FER1L6: variants seen among roughly 807,000 people sequenced by gnomAD.
FER1L6 encodes the protein fer-1-like protein 6.
Under a neutral mutation model 219.2 loss-of-function variants are expected in FER1L6, and 177 were observed. The observed-to-expected ratio is 0.81, with a 90% CI of 0.71 to 0.91. The LOEUF (loss-of-function observed/expected upper bound fraction) is 0.91, where lower values mean the gene tolerates loss of function less well. Among genes scored for constraint, FER1L6 ranks in the 40% least tolerant of loss-of-function variants. FER1L6 has a pLI of 0.00. For synonymous variants in FER1L6, 768 were observed against 824.3 expected (o/e 0.93, Z 1.17); for missense variants, 2,153 against 2,259.9 (o/e 0.95, Z 0.96).
chr8:124,031,685 T>TG (rs1424736216), intron 18 of FER1L6, among the ~76,000 whole-genome samples: 1 of 152,130 alleles, frequency 6.6e-6, no homozygotes, highest in Non-Finnish European at 1.5e-5. Context: ...ATGGCTAACC[T>TG]GGGGGTGAAT....
intron 34 of FER1L6, 60 bp from the exon 35 acceptor site, chr8:124,094,836 G>T: frequency 6.4e-7 from 1 of 1,567,952 alleles, no homozygotes. Context: ...GCATGTGGCA[G>T]CCCATCACTG....
At chr8:123,939,275 T>C (rs1490538911) in intron 1 of FER1L6, 1 of 848,052 alleles carries the variant, frequency 1.2e-6, no homozygotes, top group Non-Finnish European at 1.4e-6. Flanking sequence ...ATAAATTTTA[T>C]TACATATTGT....
chr8:123,890,994 A>G (rs959865373), intron 1 of FER1L6, among the ~76,000 whole-genome samples: 3 of 150,036 alleles, frequency 2.0e-5, no homozygotes, highest in African/African-American at 7.4e-5. Context: ...ATGTTCAGGA[A>G]AGATTCACCT....
Position 124,118,934 on chromosome 8 carries a change from G to GC in FER1L6, c.5382dup (p.Lys1795GlnfsTer17). Reference sequence around the variant, plus strand: ...AGCCCGAAAGGAGCCAGAGCCCCTGGCCAAGCCCAAGTGAGTGGAGTTGCT... The same window carrying GC: ...AGCCCGAAAGGAGCCAGAGCCCCTGGCCCAAGCCCAAGTGAGTGGAGTTGCT... On this transcript the variant is annotated frameshift_variant, in exon 40 of 41. Coordinates refer to ENST00000522917, the MANE Select transcript of FER1L6 (RefSeq NM_001039112.2). LOFTEE classifies it high-confidence loss of function. The GC allele has an allele frequency of 6.2e-7, 1 of 1,613,002 alleles. No homozygotes were observed. The highest frequency in any genetic ancestry group is 1.7e-4 in the Middle Eastern group (1 of 6,046).
At chr8:123,858,455 C>T (rs945169541) in intron 1 of FER1L6, among the ~76,000 whole-genome samples, 1 of 152,152 alleles carries the variant, frequency 6.6e-6, no homozygotes, top group Non-Finnish European at 1.5e-5. Flanking sequence ...CTTAAAGTGC[C>T]AGATGCTTAT....
chr8:123,877,003 C>T (rs1817015074), intron 1 of FER1L6, among the ~76,000 whole-genome samples: 1 of 152,264 alleles, frequency 6.6e-6, no homozygotes, highest in African/African-American at 2.4e-5. Flanking sequence ...TCTCTGCATC[C>T]TGCACTCAGA....
chr8:124,061,852 G>T lies in FER1L6; in HGVS notation c.3148G>T (p.Glu1050Ter). The T allele has an allele frequency of 6.2e-7, 1 of 1,613,188 alleles. No homozygotes were observed. Among genetic ancestry groups the T allele is most frequent in the Admixed American group, 1.7e-5 (1 of 60,014 alleles). The stretch of plus-strand genomic sequence containing the variant: ...TCTTCATCTCATCCTCTCTCTGCAG[G>T]AACTGCCTGAGAACGAGCTTCTGCA... ...FSIQADAFEV[E>*]LPENELLHPP... Residue 1050 changes from glutamate (E) to a stop codon, truncating the protein, a stop_gained and splice_region_variant, in exon 25 of 41, where the codon GAA (glutamate) becomes TAA (stop). Coordinates refer to ENST00000522917, the MANE Select transcript of FER1L6 (RefSeq NM_001039112.2). LOFTEE classifies it high-confidence loss of function.
rs117193397 is a variant in FER1L6, at chr8:124,090,178, C to T, written c.4392-1245C>T. On this transcript the variant is annotated intron_variant, in intron 33 of 40. Transcript: ENST00000522917. Reference sequence around the variant, plus strand: ...AATTTACACCGTAACAGACTCTGAGCGCCTATATCCTTCATGGAATGATTT... The same window carrying T: ...AATTTACACCGTAACAGACTCTGAGTGCCTATATCCTTCATGGAATGATTT... Among the ~76,000 whole-genome samples, 131 of 152,264 alleles carry T rather than the reference C, an allele frequency of 8.6e-4. No homozygotes were observed. The East Asian group carries it at 0.024, about 28-fold the overall frequency.
At chr8:123,960,500 G>T (rs1815222161) in intron 2 of FER1L6, among the ~76,000 whole-genome samples, 1 of 152,140 alleles carries the variant, frequency 6.6e-6, no homozygotes, top group Admixed American at 6.5e-5. Flanking sequence ...GGCTTCCCAG[G>T]AAACCTATCC....
intron 25 of FER1L6, among the ~76,000 whole-genome samples, chr8:124,063,658 T>C (rs2130839334): frequency 6.6e-6 from 1 of 152,346 alleles, no homozygotes; most frequent in East Asian, 1.9e-4. Context: ...ATGCCCAGTA[T>C]GGAGTAGATA....
intron 1 of FER1L6, among the ~76,000 whole-genome samples, chr8:123,918,338 A>G (rs1034593434): frequency 6.6e-6 from 1 of 151,922 alleles, no homozygotes; most frequent in African/African-American, 2.4e-5. Context: ...CAACAAATAC[A>G]TACTCGCACT....
intron 1 of FER1L6, among the ~76,000 whole-genome samples, chr8:123,909,052 C>T (rs1288838723): frequency 1.3e-5 from 2 of 152,182 alleles, no homozygotes; most frequent in African/African-American, 4.8e-5. Flanking sequence ...CTCAGTTTGA[C>T]TGTTAACATG....
chr8:123,868,976 T>C (rs1295640513), intron 1 of FER1L6, among the ~76,000 whole-genome samples: 1 of 152,126 alleles, frequency 6.6e-6, no homozygotes, highest in African/African-American at 2.4e-5. Context: ...ATCAGGTTAG[T>C]CTGAGTTATG....
At chr8:123,965,739 C>A (rs1815506858) in intron 3 of FER1L6, among the ~76,000 whole-genome samples, 2 of 152,108 alleles carry the variant, frequency 1.3e-5, no homozygotes, top group Admixed American at 6.5e-5. Context: ...GACATTTATT[C>A]TTGCCAGGTA....
At chr8:124,039,802 A>T (rs914519153) in intron 19 of FER1L6, 80 bp from the exon 20 acceptor site, 17 of 1,568,220 alleles carry the variant, frequency 1.1e-5, no homozygotes, top group Non-Finnish European at 1.5e-5. Flanking sequence ...ATAGATGGAC[A>T]TCACACACAG....
chr8:124,101,024 A>G, intron 37 of FER1L6, 73 bp from the exon 38 acceptor site: 1 of 1,403,118 alleles, frequency 7.1e-7, no homozygotes, highest in South Asian at 1.2e-5. Flanking sequence ...GAAATAAGCT[A>G]AATCACTTAT....
Position 124,119,606 on chromosome 8 carries a change from G to A in FER1L6, c.5391-1G>A. On this transcript the variant is annotated splice_acceptor_variant, in intron 40 of 40. Coordinates refer to ENST00000522917, the MANE Select transcript of FER1L6 (RefSeq NM_001039112.2). LOFTEE classifies it high-confidence loss of function. Reference sequence around the variant, plus strand: ...TTGATTTTCTCTTCCTTCCCCCTCAGCCGCCCAGACACCTCCTTTTCGTGG... The same window carrying A: ...TTGATTTTCTCTTCCTTCCCCCTCAACCGCCCAGACACCTCCTTTTCGTGG... 6.2e-7 allele frequency: 1 copy of A among 1,607,794 alleles called. No individual in the cohort carries two copies. Among genetic ancestry groups the A allele is most frequent in the Non-Finnish European group, 8.5e-7 (1 of 1,174,824 alleles).
chr8:124,092,852 CTTTTT>C (rs56104148), intron 34 of FER1L6, among the ~76,000 whole-genome samples: 1 of 140,156 alleles, frequency 7.1e-6, no homozygotes, highest in African/African-American at 2.7e-5. Flanking sequence ...AAGTGCTACC[CTTTTT>C]TTTTTTTTTT....
chr8:124,049,278 C>T (rs904761560), intron 21 of FER1L6, among the ~76,000 whole-genome samples: 33 of 152,196 alleles, frequency 2.2e-4, no homozygotes, highest in African/African-American at 7.9e-4. Context: ...GATCTCTTGA[C>T]CTCATGATAC....
Sources: gnomAD v4.1 joint callset for allele counts (sites outside exome capture counted in the v4.1 genomes callset) on GRCh38, gnomAD v4.1.1 for gene constraint, MANE v1.5 for transcripts, NCBI Gene and HGNC (gene_info 2026-07-23, HGNC 2026-07-21) for gene names.